Variants in ADAMTS3 observed in about 807,000 individuals in gnomAD.
The protein encoded by ADAMTS3 is A disintegrin and metalloproteinase with thrombospondin motifs 3.
ADAMTS3 carries 73 observed loss-of-function variants against 129.0 expected under a neutral mutation model. That is an observed-to-expected ratio of 0.57 (90% CI 0.47 to 0.69). The LOEUF is 0.69. Among genes scored for constraint, ADAMTS3 ranks in the 30% least tolerant of loss-of-function variants. The pLI, the probability that ADAMTS3 is intolerant of heterozygous loss-of-function variation, is 0.00. For missense variants in ADAMTS3, 1,457 were observed against 1,514.5 expected, an observed-to-expected ratio of 0.96 and a Z score of 0.63; for synonymous variants, 477 against 510.8, an observed-to-expected ratio of 0.93 and a Z score of 0.89.
chr4:72,383,548 T>G (rs1054706232), intron 4 of ADAMTS3, among the ~76,000 whole-genome samples: 13 of 152,160 alleles, frequency 8.5e-5, no homozygotes, highest in Non-Finnish European at 1.9e-4. Flanking sequence ...ATTCTGCAAA[T>G]GCACTTTCCA....
At chr4:72,546,358 T>C (rs941750050) in intron 3 of ADAMTS3, among the ~76,000 whole-genome samples, 2 of 152,130 alleles carry the variant, frequency 1.3e-5, no homozygotes, top group African/African-American at 4.8e-5. Flanking sequence ...GGAGAGTGTT[T>C]TGACCAGACC....
intron 3 of ADAMTS3, among the ~76,000 whole-genome samples, chr4:72,457,411 A>G (rs1400513285): frequency 6.6e-6 from 1 of 151,734 alleles, no homozygotes; most frequent in African/African-American, 2.4e-5. Context: ...GCAGAAAGGA[A>G]TGAGAACTAC....
intron 3 of ADAMTS3, among the ~76,000 whole-genome samples, chr4:72,532,491 G>GCGCA (rs894547538): frequency 4.7e-4 from 70 of 148,792 alleles, no homozygotes; most frequent in African/African-American, 1.3e-3. Flanking sequence ...AATTTAATAT[G>GCGCA]CACACACACA....
chr4:72,314,743 A>G (rs1309362206), intron 11 of ADAMTS3, among the ~76,000 whole-genome samples: 1 of 152,216 alleles, frequency 6.6e-6, no homozygotes, highest in Non-Finnish European at 1.5e-5. Context: ...CATTGTATAC[A>G]AGGTGCTTTG....
At chr4:72,365,330 T>C (rs559299948) in intron 4 of ADAMTS3, among the ~76,000 whole-genome samples, 2 of 152,352 alleles carry the variant, frequency 1.3e-5, no homozygotes, top group African/African-American at 2.4e-5. Flanking sequence ...ATTTTACTCA[T>C]TCTTGATAAC....
At chr4:72,473,052 TAACAA>T (rs1006445194) in intron 3 of ADAMTS3, among the ~76,000 whole-genome samples, 1 of 152,136 alleles carries the variant, frequency 6.6e-6, no homozygotes, top group African/African-American at 2.4e-5. Flanking sequence ...AAATTAATAT[TAACAA>T]AACAAACGAT....
At chr4:72,561,300 T>C (rs1721897459) in intron 2 of ADAMTS3, among the ~76,000 whole-genome samples, 2 of 151,500 alleles carry the variant, frequency 1.3e-5, no homozygotes, top group African/African-American at 2.4e-5. Flanking sequence ...GGAGCTGAGA[T>C]TGTGCCACTG....
chr4:72,334,338 T>C (rs780571932), intron 5 of ADAMTS3, among the ~76,000 whole-genome samples: 9 of 152,156 alleles, frequency 5.9e-5, no homozygotes, highest in Admixed American at 3.3e-4. Context: ...ACCTGGCATA[T>C]AGCATTAAAA....
At chr4:72,414,032 A>G (rs1403580415) in intron 4 of ADAMTS3, among the ~76,000 whole-genome samples, 1 of 151,914 alleles carries the variant, frequency 6.6e-6, no homozygotes, top group Non-Finnish European at 1.5e-5. Context: ...TAAATTACTT[A>G]TATTTACTTA....
intron 4 of ADAMTS3, among the ~76,000 whole-genome samples, chr4:72,361,309 A>C (rs569964164): frequency 4.3e-4 from 65 of 152,278 alleles, no homozygotes; most frequent in African/African-American, 1.5e-3. Context: ...AATGTATTAC[A>C]AATTATTTTT....
intron 3 of ADAMTS3, among the ~76,000 whole-genome samples, chr4:72,498,152 G>A (rs376112281): frequency 6.6e-6 from 1 of 152,032 alleles, no homozygotes; most frequent in African/African-American, 2.4e-5. Context: ...TTGTCTTAGA[G>A]AGCGAACACT....
At chr4:72,558,422 C>T (rs2623529) in intron 2 of ADAMTS3, among the ~76,000 whole-genome samples, 146,060 of 151,600 alleles carry the variant, frequency 0.96, 70,757 homozygotes, top group East Asian at 1. Flanking sequence ...CCTCCTGCTA[C>T]CACCTCTCTG....
chr4:72,519,993 T>C (rs1720616257), intron 3 of ADAMTS3, among the ~76,000 whole-genome samples: 1 of 152,040 alleles, frequency 6.6e-6, no homozygotes, highest in Non-Finnish European at 1.5e-5. Context: ...TCTTTGATGA[T>C]GGTGATGTAC....
At chr4:72,347,180 G>A (rs534879885) in intron 4 of ADAMTS3, among the ~76,000 whole-genome samples, 136 of 152,050 alleles carry the variant, frequency 8.9e-4, no homozygotes, top group African/African-American at 3.2e-3. Context: ...CTCCAATGAT[G>A]AGTATGAGCC....
At position 72,399,831 on chromosome 4, in the gene ADAMTS3, GTA is replaced by G. The variant is rs745677175; in HGVS notation, c.661+14982_661+14983del. 9.5e-4 allele frequency among the ~76,000 whole-genome samples: 118 copies of G among 124,220 alleles called. 2 individuals are homozygous for G. The highest frequency in any genetic ancestry group is 1.7e-3 in the African/African-American group (53 of 31,560). 81.5% of individuals were successfully genotyped at this position (124,220 alleles called of 152,430 possible). On this transcript the variant is annotated intron_variant, in intron 4 of 21. Transcript: ENST00000286657. ...ACACACACGGTGTGTATATACGTGT[GTA>G]TATATATACACACACGGTGTGTATA... is the stretch of plus-strand genomic sequence containing the variant.
At chr4:72,290,804 CAT>C (rs1560460016) in intron 20 of ADAMTS3, 49 bp downstream of exon 20, 1 of 1,563,340 alleles carries the variant, frequency 6.4e-7, no homozygotes, top group African/African-American at 1.4e-5. Context: ...AATATCTACA[CAT>C]GCTTACACAC....
rs1718096188 is a variant in ADAMTS3 at position 72,440,899 on chromosome 4, G to A, written c.505-25928C>T. ...AAAAATTACTATTACTTTTGTGTATGTCATTTTTTATCTAATTAAAATTAA... is the reference window on the plus strand; with the variant it reads ...AAAAATTACTATTACTTTTGTGTATATCATTTTTTATCTAATTAAAATTAA... On this transcript the variant is annotated intron_variant, in intron 3 of 21. Coordinates refer to ENST00000286657, the MANE Select transcript of ADAMTS3 (RefSeq NM_014243.3). 2.0e-5 allele frequency among the ~76,000 whole-genome samples: 3 copies of A among 151,728 alleles called. No individual in the cohort carries two copies. In the South Asian group the frequency reaches 6.2e-4, roughly 31 times the overall value.
chr4:72,502,814 C>A (rs1005654689), intron 3 of ADAMTS3, among the ~76,000 whole-genome samples: 1 of 152,010 alleles, frequency 6.6e-6, no homozygotes, highest in African/African-American at 2.4e-5. Flanking sequence ...AGGTTTGCTG[C>A]ACCCATCAAC....
At chr4:72,359,373 A>T (rs1274964417) in intron 4 of ADAMTS3, among the ~76,000 whole-genome samples, 1 of 152,064 alleles carries the variant, frequency 6.6e-6, no homozygotes, top group African/African-American at 2.4e-5. Context: ...AAAGGTAGTA[A>T]ATTGTTCTTG....
Sources: allele counts gnomAD v4.1 joint callset (sites outside exome capture counted in the v4.1 genomes callset), GRCh38; gene constraint gnomAD v4.1.1; transcripts MANE v1.5; gene names NCBI Gene and HGNC (gene_info 2026-07-23, HGNC 2026-07-21).